The following CACNA1C variants were observed in gnomAD, a reference collection of about 807,000 sequenced individuals.
CACNA1C encodes voltage-dependent L-type calcium channel subunit alpha-1C.
In CACNA1C, 30 loss-of-function variants were observed where a neutral mutation model predicts 229.0. The ratio of observed to expected loss-of-function variants is 0.13; its 90% confidence interval spans 0.10 to 0.18. The LOEUF is 0.18. Ranked by LOEUF, CACNA1C falls within the 10% of genes least tolerant of loss-of-function variation. The pLI is 1.00. For missense variants in CACNA1C, 1,658 were observed against 2,845.0 expected (o/e 0.58, Z 9.49); for synonymous variants, 1,114 against 1,132.5 (o/e 0.98, Z 0.33).
intron 3 of CACNA1C, among the ~76,000 whole-genome samples, chr12:2,191,800 G>A (rs190986404): frequency 5.4e-5 from 6 of 110,400 alleles, no homozygotes; most frequent in Middle Eastern, 6.1e-3. Flanking sequence ...ATGATCTCAC[G>A]TACACAGGCA....
intron 1 of CACNA1C, among the ~76,000 whole-genome samples, chr12:2,009,289 CTGAG>C (rs142967136): frequency 3.0e-3 from 455 of 152,262 alleles, no homozygotes; most frequent in Non-Finnish European, 5.3e-3. Context: ...ATGGCAATGA[CTGAG>C]TAAGACAAAA....
rs954797302 is a variant in CACNA1C, at chr12:2,601,544, G to C, written c.2854-310G>C. 1.3e-5 allele frequency among the ~76,000 whole-genome samples: 2 copies of C among 152,218 alleles called. No individual in the cohort carries two copies. Among genetic ancestry groups the C allele is most frequent in the African/African-American group, 4.8e-5 (2 of 41,454 alleles). On this transcript the variant is annotated intron_variant, in intron 21 of 46. Coordinates refer to ENST00000399655, the MANE Select transcript of CACNA1C (RefSeq NM_000719.7). This position sits in a 1 kb window ranked among gnomAD's most constrained non-coding sequence, Gnocchi z 5.9. The stretch of plus-strand genomic sequence containing the variant: ...AGCCATGGACTTGGGATGTGGAACA[G>C]TGCGAAATTAGAGTGGGATGGTGGG...
At chr12:2,453,657 T>C (rs1287171535) in intron 4 of CACNA1C, among the ~76,000 whole-genome samples, 1 of 152,058 alleles carries the variant, frequency 6.6e-6, no homozygotes, top group African/African-American at 2.4e-5. Context: ...ATCTAATCCC[T>C]CCTTTCTCAC....
chr12:2,575,908 A>G lies in CACNA1C; in HGVS notation c.1896-5682A>G, dbSNP rs925152131. ...TCAAGGAAGGCTCGGGTCACTTTAT[A>G]TTATAGAAGAGGAGGAAGAATTCCA... On this transcript the variant is annotated intron_variant, in intron 13 of 46. Coordinates refer to ENST00000399655, the MANE Select transcript of CACNA1C (RefSeq NM_000719.7). The surrounding 1 kb of genome is among the most constrained non-coding windows in gnomAD (Gnocchi z 4.0). Among the ~76,000 whole-genome samples, 2 of 152,194 alleles carry G rather than the reference A, an allele frequency of 1.3e-5. No homozygotes were observed. The highest frequency in any genetic ancestry group is 1.3e-4 in the Admixed American group (2 of 15,278).
In CACNA1C at chr12:1,986,003, T is replaced by C. The variant is rs562457209; in HGVS notation, c.139+14802T>C. Among the ~76,000 whole-genome samples, 844 of 152,158 alleles carry C rather than the reference T, an allele frequency of 5.5e-3. 6 individuals are homozygous for C. The highest frequency in any genetic ancestry group is 8.0e-3 in the Non-Finnish European group (543 of 67,964). ...TTTTGTTTTGTATTTTTAGTAGAGA[T>C]GGAGTTTCACCGTGTTAGCCAGGAT... On this transcript the variant is annotated intron_variant, in intron 1 of 46. Transcript: ENST00000682462.
In CACNA1C at chr12:2,310,702, A is replaced by G. The variant is rs189039992; in HGVS notation, c.478-138274A>G. Among the ~76,000 whole-genome samples the G allele has an allele frequency of 2.8e-3, 421 of 152,258 alleles. 2 individuals are homozygous for G. The highest frequency in any genetic ancestry group is 9.8e-3 in the African/African-American group (409 of 41,540). On this transcript the variant is annotated intron_variant, in intron 3 of 46. Transcript: ENST00000399655. The stretch of plus-strand genomic sequence containing the variant: ...TAGAGGAAACCTGCAAGGGCTTTCG[A>G]CTCACAGGGTTCTTTCATTCTGTGG...
intron 3 of CACNA1C, among the ~76,000 whole-genome samples, chr12:2,149,670 T>C (rs768160068): frequency 6.6e-6 from 1 of 152,280 alleles, no homozygotes; most frequent in Non-Finnish European, 1.5e-5. Context: ...TGACCTGAAA[T>C]GCAGGGCGAG....
At chr12:2,584,104 C>T (rs2061549815) in intron 15 of CACNA1C, among the ~76,000 whole-genome samples, 1 of 152,226 alleles carries the variant, frequency 6.6e-6, no homozygotes, top group South Asian at 2.1e-4. Flanking sequence ...GCCACCCCCT[C>T]AGCGCCCAGT....
intron 1 of CACNA1C, among the ~76,000 whole-genome samples, chr12:1,996,628 AAAAAAAAAAAAAAAAAAAAAAAAAAAAC>A (rs1193214558): frequency 9.2e-5 from 6 of 65,332 alleles, no homozygotes; most frequent in African/African-American, 5.3e-4. Flanking sequence ...AAAAAAAAAA[AAAAAAAAAAAAAAAAAAAAAAAAAAAAC>A]AACAAACTCT....
chr12:2,677,070 C>CT lies in CACNA1C; in HGVS notation c.4829-23dup, dbSNP rs890100289. On this transcript the variant is annotated intron_variant, in intron 39 of 46. Transcript: ENST00000399655. This position sits in a 1 kb window ranked among gnomAD's most constrained non-coding sequence, Gnocchi z 7.4. The stretch of plus-strand genomic sequence containing the variant: ...AATTCCCCTGCTCCCCTCTTACCCC[C>CT]TCTCCCCTCTCCATACGTCTCAGAT... 3.1e-6 allele frequency: 5 copies of CT among 1,607,054 alleles called. No individual in the cohort carries two copies. The African/African-American group carries it at 6.7e-5, about 21-fold the overall frequency.
Position 2,689,909 on chromosome 12 carries a change from GC to G in CACNA1C, c.6118-990del, listed in dbSNP as rs1485195327. On this transcript the variant is annotated intron_variant, in intron 46 of 46. Transcript: ENST00000399655. The surrounding 1 kb of genome is among the most constrained non-coding windows in gnomAD (Gnocchi z 4.2). ...GAGTGCCAAAGAAAAACTAAGCAGGGCAAGGAGAGAATGAGTGGCGTGGGCA... is the reference window on the plus strand; with the variant it reads ...GAGTGCCAAAGAAAAACTAAGCAGGGAAGGAGAGAATGAGTGGCGTGGGCA... 1 of 152,310 alleles carries G rather than the reference GC, an allele frequency of 6.6e-6. No homozygotes were observed. Among genetic ancestry groups the G allele is most frequent in the Admixed American group, 6.6e-5 (1 of 15,264 alleles). The allele number at this position is 152,310 out of a possible 1,614,324, so 9.4% of individuals were successfully genotyped here.
intron 1 of CACNA1C, among the ~76,000 whole-genome samples, chr12:2,047,669 T>A (rs2051313743): frequency 6.6e-6 from 1 of 152,222 alleles, no homozygotes; most frequent in Non-Finnish European, 1.5e-5. Context: ...AGTAACCTGG[T>A]CACAGGTGGG....
At chr12:2,626,846 C>G (rs1001512092) in intron 29 of CACNA1C, among the ~76,000 whole-genome samples, 2 of 152,082 alleles carry the variant, frequency 1.3e-5, no homozygotes. Context: ...TATGCCCAAG[C>G]CTTGCATAGT....
At chr12:2,358,307 G>C (rs111771198) in intron 3 of CACNA1C, among the ~76,000 whole-genome samples, 13,502 of 135,704 alleles carry the variant, frequency 0.099, 1,160 homozygotes, top group African/African-American at 0.23. Flanking sequence ...GTGTGTGTGT[G>C]TCTCTTTGTC....
chr12:1,989,094 T>A (rs905596760), intron 1 of CACNA1C, among the ~76,000 whole-genome samples: 1 of 152,214 alleles, frequency 6.6e-6, no homozygotes, highest in African/African-American at 2.4e-5. Flanking sequence ...CTCTGAAATA[T>A]CCCTGTCAGC....
chr12:2,687,768 A>G (rs1377385717), intron 45 of CACNA1C, among the ~76,000 whole-genome samples: 1 of 152,106 alleles, frequency 6.6e-6, no homozygotes, highest in Non-Finnish European at 1.5e-5. Context: ...TGAACTCCCG[A>G]CCTCAGGTGA....
chr12:2,230,612 C>T lies in CACNA1C; in HGVS notation c.477+110182C>T, dbSNP rs545243574. Reference sequence around the variant, plus strand: ...CCGTCCCCGCCCTGCTGACCGGGCTCTTCCCGCGCCTGATCACTAACGGTG... The same window carrying T: ...CCGTCCCCGCCCTGCTGACCGGGCTTTTCCCGCGCCTGATCACTAACGGTG... On this transcript the variant is annotated intron_variant, in intron 3 of 46. Transcript: ENST00000399655. Among the ~76,000 whole-genome samples, 384 of 152,336 alleles carry T rather than the reference C, an allele frequency of 2.5e-3. 3 individuals carry two copies. Among genetic ancestry groups the T allele is most frequent in the African/African-American group, 8.8e-3 (366 of 41,584 alleles).
intron 1 of CACNA1C, among the ~76,000 whole-genome samples, chr12:2,102,237 T>G (rs961844030): frequency 2.8e-4 from 43 of 152,222 alleles, no homozygotes; most frequent in African/African-American, 1.0e-3. Context: ...GAAGGCCAAA[T>G]TAAAGTTCTG....
At chr12:2,565,244 G>A (rs1375014046) in intron 11 of CACNA1C, among the ~76,000 whole-genome samples, 7 of 152,024 alleles carry the variant, frequency 4.6e-5, no homozygotes, top group Admixed American at 1.3e-4. Context: ...CGAGGCGGGT[G>A]GATCATGAGG....
Sources: gnomAD v4.1 joint callset for allele counts (sites outside exome capture counted in the v4.1 genomes callset) on GRCh38, gnomAD v4.1.1 for gene constraint, Gnocchi (gnomAD v3.1) non-coding constraint, MANE v1.5 for transcripts, NCBI Gene and HGNC (gene_info 2026-07-23, HGNC 2026-07-21) for gene names.